Variants in GRIA2 observed in about 807,000 individuals in gnomAD.
GRIA2 encodes the protein glutamate receptor 2.
Under a neutral mutation model 97.3 loss-of-function variants are expected in GRIA2, and 14 were observed. The observed-to-expected ratio is 0.14, with a 90% CI of 0.10 to 0.23. GRIA2 has a LOEUF of 0.23. GRIA2 is among the 10% of genes least tolerant of loss of function. The pLI, the probability that GRIA2 is intolerant of heterozygous loss-of-function variation, is 1.00. For synonymous variants in GRIA2, 412 were observed against 387.8 expected, an observed-to-expected ratio of 1.06 and a Z score of -0.73; for missense variants, 558 against 1,069.8, an observed-to-expected ratio of 0.52 and a Z score of 6.67.
At chr4:157,313,973 A>G (rs992864266) in intron 4 of GRIA2, among the ~76,000 whole-genome samples, 1 of 152,194 alleles carries the variant, frequency 6.6e-6, no homozygotes, top group African/African-American at 2.4e-5. Flanking sequence ...CATATTTACT[A>G]TTCACTAAGT....
At chr4:157,349,511 T>G (rs1215763226) in intron 12 of GRIA2, among the ~76,000 whole-genome samples, 1 of 148,384 alleles carries the variant, frequency 6.7e-6, no homozygotes, top group Non-Finnish European at 1.5e-5. Context: ...TTCTTTTTTG[T>G]AACCTCAAAA....
At chr4:157,301,912 T>C (rs1001078379) in intron 2 of GRIA2, among the ~76,000 whole-genome samples, 2 of 152,014 alleles carry the variant, frequency 1.3e-5, no homozygotes, top group Non-Finnish European at 2.9e-5. Flanking sequence ...TGGTGGCTCA[T>C]GCCTGTAATC....
At chr4:157,300,211 G>A (rs1733554463) in intron 2 of GRIA2, among the ~76,000 whole-genome samples, 1 of 152,078 alleles carries the variant, frequency 6.6e-6, no homozygotes, top group African/African-American at 2.4e-5. Context: ...CCCTTCTAAT[G>A]AAGTAAAGAG....
chr4:157,253,621 TA>T (rs1388172864), intron 2 of GRIA2, among the ~76,000 whole-genome samples: 1 of 152,114 alleles, frequency 6.6e-6, no homozygotes, highest in East Asian at 1.9e-4. Flanking sequence ...TACTAGAACT[TA>T]AAATTTTGTT....
chr4:157,252,477 A>G (rs1359672725), intron 2 of GRIA2, among the ~76,000 whole-genome samples: 1 of 152,120 alleles, frequency 6.6e-6, no homozygotes, highest in Non-Finnish European at 1.5e-5. Context: ...TTAAAAAGAG[A>G]ATTTTGGAAA....
At chr4:157,322,285 A>G (rs1734613402) in intron 6 of GRIA2, among the ~76,000 whole-genome samples, 1 of 150,836 alleles carries the variant, frequency 6.6e-6, no homozygotes, top group South Asian at 2.1e-4. Context: ...GTGTGTGTAT[A>G]AAATAACAGT....
intron 2 of GRIA2, among the ~76,000 whole-genome samples, chr4:157,276,762 A>C (rs538603651): frequency 1.7e-4 from 26 of 152,078 alleles, no homozygotes; most frequent in South Asian, 1.0e-3. Flanking sequence ...TACAATGAAT[A>C]ACTCTGCATC....
intron 2 of GRIA2, among the ~76,000 whole-genome samples, chr4:157,234,119 C>T (rs997359771): frequency 1.3e-5 from 2 of 152,066 alleles, no homozygotes; most frequent in African/African-American, 4.8e-5. Flanking sequence ...GTTTTCTCCT[C>T]TGTAAAATGG....
At chr4:157,289,215 A>G (rs1202302712) in intron 2 of GRIA2, among the ~76,000 whole-genome samples, 1 of 151,916 alleles carries the variant, frequency 6.6e-6, no homozygotes, top group Non-Finnish European at 1.5e-5. Flanking sequence ...TAATTTCAAT[A>G]TGTCCCTTAA....
intron 13 of GRIA2, among the ~76,000 whole-genome samples, chr4:157,360,440 G>C (rs144669338): frequency 1.3e-5 from 2 of 151,582 alleles, no homozygotes; most frequent in African/African-American, 4.8e-5. Context: ...TACTTTGTTT[G>C]AGTTTTTTTT....
At chr4:157,235,184 A>G (rs1730189030) in intron 2 of GRIA2, among the ~76,000 whole-genome samples, 1 of 152,112 alleles carries the variant, frequency 6.6e-6, no homozygotes, top group South Asian at 2.1e-4. Flanking sequence ...CTTATCTTTA[A>G]AGTGCTTTTA....
chr4:157,355,947 A>ATT (rs1736304692), intron 12 of GRIA2, among the ~76,000 whole-genome samples: 1 of 3,906 alleles, frequency 2.6e-4, no homozygotes, highest in Non-Finnish European at 7.3e-4. Flanking sequence ...ATATTAATAT[A>ATT]TATTTATATA....
At chr4:157,283,658 A>G (rs537101151) in intron 2 of GRIA2, among the ~76,000 whole-genome samples, 2 of 151,896 alleles carry the variant, frequency 1.3e-5, no homozygotes, top group Non-Finnish European at 1.5e-5. Context: ...TCTATTTATC[A>G]TATTTTAATA....
intron 2 of GRIA2, among the ~76,000 whole-genome samples, chr4:157,229,978 T>C (rs1446104307): frequency 6.6e-6 from 1 of 152,192 alleles, no homozygotes; most frequent in Non-Finnish European, 1.5e-5. Context: ...TGTGTTTATA[T>C]AAACTAAGTA....
chr4:157,312,644 T>A, intron 3 of GRIA2, 35 bp from the exon 4 acceptor site: 1 of 1,211,540 alleles, frequency 8.3e-7, no homozygotes, highest in Non-Finnish European at 1.2e-6. Flanking sequence ...TATTCACGTA[T>A]CTTTATCAGT....
chr4:157,248,181 T>C (rs898587981), intron 2 of GRIA2, among the ~76,000 whole-genome samples: 16 of 151,466 alleles, frequency 1.1e-4, no homozygotes, highest in Non-Finnish European at 2.1e-4. Flanking sequence ...ACTACCAAAG[T>C]ATAAAACTGA....
intron 12 of GRIA2, among the ~76,000 whole-genome samples, chr4:157,353,091 G>C (rs1579386385): frequency 6.6e-6 from 1 of 152,102 alleles, no homozygotes; most frequent in East Asian, 1.9e-4. Flanking sequence ...GCTAGCTCAC[G>C]CCTGTAATCC....
intron 2 of GRIA2, among the ~76,000 whole-genome samples, chr4:157,284,661 A>T (rs1732758417): frequency 6.6e-6 from 1 of 151,606 alleles, no homozygotes; most frequent in Non-Finnish European, 1.5e-5. Flanking sequence ...TACTACTCAT[A>T]TGGTTTACTC....
chr4:157,254,074 C>A (rs1379333015), intron 2 of GRIA2, among the ~76,000 whole-genome samples: 5 of 150,924 alleles, frequency 3.3e-5, no homozygotes, highest in African/African-American at 9.7e-5. Flanking sequence ...AAATGAGAGA[C>A]ATTAATGCTC....
Sources: allele counts gnomAD v4.1 joint callset (sites outside exome capture counted in the v4.1 genomes callset), GRCh38; gene constraint gnomAD v4.1.1; transcripts MANE v1.5; gene names NCBI Gene and HGNC (gene_info 2026-07-23, HGNC 2026-07-21).